Variants in DNM3 observed in about 807,000 individuals in gnomAD.
DNM3 encodes dynamin 3, also known as dynamin-3.
A neutral mutation model predicts 101.6 loss-of-function variants in DNM3; 47 were observed. The observed-to-expected ratio is 0.46, with a 90% confidence interval of 0.37 to 0.59. DNM3 has a LOEUF of 0.59. Among genes scored for constraint, DNM3 ranks in the 20% least tolerant of loss-of-function variants. The pLI is 0.00. For missense variants in DNM3, 849 were observed against 1,085.7 expected, an observed-to-expected ratio of 0.78 and a Z score of 3.06; for synonymous variants, 385 against 387.9, an observed-to-expected ratio of 0.99 and a Z score of 0.09.
At chr1:172,366,065 T>C (rs956360430) in intron 17 of DNM3, among the ~76,000 whole-genome samples, 1 of 151,588 alleles carries the variant, frequency 6.6e-6, no homozygotes, top group African/African-American at 2.4e-5. Flanking sequence ...CCTTGTCTCT[T>C]AAAACATTTT....
At chr1:172,335,634 T>G (rs2066386542) in intron 17 of DNM3, among the ~76,000 whole-genome samples, 1 of 152,168 alleles carries the variant, frequency 6.6e-6, no homozygotes. Context: ...CATCATGTCC[T>G]TTGCAGCAAC....
intron 1 of DNM3, among the ~76,000 whole-genome samples, chr1:171,852,555 A>G (rs1176783623): frequency 6.6e-6 from 1 of 152,240 alleles, no homozygotes; most frequent in African/African-American, 2.4e-5. Context: ...AACAATTCTT[A>G]TGAGAGCCAT....
intron 1 of DNM3, among the ~76,000 whole-genome samples, chr1:171,872,639 C>A (rs1271369419): frequency 6.6e-6 from 1 of 152,198 alleles, no homozygotes; most frequent in African/African-American, 2.4e-5. Context: ...GCTGGCCAGA[C>A]CCTGGTTGTG....
chr1:172,081,777 A>G, intron 11 of DNM3, 55 bp from the exon 12 acceptor site: 2 of 1,429,456 alleles, frequency 1.4e-6, no homozygotes, highest in East Asian at 2.3e-5. Context: ...ACTGAATTTA[A>G]TGTTTGAGAA....
chr1:171,975,404 G>A (rs1346827593), intron 2 of DNM3, among the ~76,000 whole-genome samples: 1 of 152,092 alleles, frequency 6.6e-6, no homozygotes, highest in East Asian at 1.9e-4. Flanking sequence ...AAGTTATACT[G>A]TACTGACTAG....
chr1:172,397,760 T>C (rs2070133017), intron 20 of DNM3, among the ~76,000 whole-genome samples: 2 of 152,124 alleles, frequency 1.3e-5, no homozygotes, highest in Non-Finnish European at 2.9e-5. Context: ...CATTTTTTTT[T>C]TCCTGGTATT....
At chr1:172,262,669 A>G (rs78811187) in intron 15 of DNM3, among the ~76,000 whole-genome samples, 2,420 of 152,220 alleles carry the variant, frequency 0.016, 63 homozygotes, top group African/African-American at 0.054. Context: ...TACTCAAAGT[A>G]TGATTATCCA....
downstream of DNM3, among the ~76,000 whole-genome samples, chr1:172,415,819 T>C (rs561275974): frequency 2.0e-5 from 3 of 152,226 alleles, no homozygotes; most frequent in East Asian, 5.8e-4. Context: ...CATGAGCCAC[T>C]GCACCTGGCC....
At chr1:171,938,002 A>G (rs932957555) in intron 2 of DNM3, among the ~76,000 whole-genome samples, 2 of 150,732 alleles carry the variant, frequency 1.3e-5, no homozygotes, top group Non-Finnish European at 2.9e-5. Context: ...TTCTTTCTCT[A>G]GACACCTTTC....
intron 16 of DNM3, chr1:172,309,547 C>A (rs1267242329): frequency 6.6e-6 from 1 of 152,222 alleles, no homozygotes; most frequent in Admixed American, 6.6e-5. Flanking sequence ...GTGGACCTCT[C>A]CACTTGCTGC....
At chr1:172,150,679 G>T (rs2058093388) in intron 14 of DNM3, among the ~76,000 whole-genome samples, 1 of 152,134 alleles carries the variant, frequency 6.6e-6, no homozygotes, top group Non-Finnish European at 1.5e-5. Context: ...GAGCCAGCTG[G>T]CATGGGTTTG....
At chr1:172,047,907 C>T (rs951152565) in intron 9 of DNM3, among the ~76,000 whole-genome samples, 3 of 152,028 alleles carry the variant, frequency 2.0e-5, no homozygotes, top group African/African-American at 7.2e-5. Context: ...TTCAAAGTCC[C>T]CTGTTATTGT....
intron 1 of DNM3, among the ~76,000 whole-genome samples, chr1:171,867,044 A>G (rs1303557258): frequency 3.9e-5 from 6 of 152,364 alleles, no homozygotes; most frequent in Non-Finnish European, 7.3e-5. Flanking sequence ...TTAAACTTTT[A>G]AGTGACGTGT....
intron 1 of DNM3, among the ~76,000 whole-genome samples, chr1:171,874,619 G>A (rs973203454): frequency 2.6e-5 from 4 of 152,122 alleles, no homozygotes; most frequent in Non-Finnish European, 4.4e-5. Flanking sequence ...GCCTGGATTA[G>A]TAGCCTTGCT....
At chr1:172,001,668 C>T (rs900879120) in intron 4 of DNM3, among the ~76,000 whole-genome samples, 1 of 151,906 alleles carries the variant, frequency 6.6e-6, no homozygotes, top group African/African-American at 2.4e-5. Flanking sequence ...AGTATAAAAC[C>T]ATCCCAAGAG....
chr1:172,141,485 A>G (rs1468937008), intron 14 of DNM3, among the ~76,000 whole-genome samples: 1 of 152,118 alleles, frequency 6.6e-6, no homozygotes, highest in Non-Finnish European at 1.5e-5. Flanking sequence ...GATCCCTTAC[A>G]GAGTAAGTGA....
intron 1 of DNM3, among the ~76,000 whole-genome samples, chr1:171,902,832 GT>G (rs1403497491): frequency 6.6e-6 from 1 of 152,150 alleles, no homozygotes; most frequent in African/African-American, 2.4e-5. Context: ...TGTGCTATGA[GT>G]GAAAAATTTC....
At chr1:171,878,837 C>CT (rs370043131) in intron 1 of DNM3, among the ~76,000 whole-genome samples, 81 of 148,082 alleles carry the variant, frequency 5.5e-4, no homozygotes, top group African/African-American at 1.3e-3. Context: ...CTCAAGCTTT[C>CT]TTTTTTTTTT....
intron 17 of DNM3, chr1:172,339,136 T>C (rs2066578111): frequency 2.4e-6 from 1 of 425,258 alleles, no homozygotes; most frequent in Non-Finnish European, 4.6e-6. Flanking sequence ...TGTTAAGTTG[T>C]TGCTTTTCAA....
Sources: gnomAD v4.1 joint callset for allele counts (sites outside exome capture counted in the v4.1 genomes callset) on GRCh38, gnomAD v4.1.1 for gene constraint, MANE v1.5 for transcripts, NCBI Gene and HGNC (gene_info 2026-07-23, HGNC 2026-07-21) for gene names.